The following PFKL variants were observed in gnomAD, a reference collection of about 807,000 sequenced individuals.
PFKL encodes phosphofructokinase, liver type, also known as ATP-dependent 6-phosphofructokinase, liver type.
A neutral mutation model predicts 92.1 loss-of-function variants in PFKL; 74 were observed. The observed-to-expected ratio is 0.80, with a 90% CI of 0.67 to 0.97. The LOEUF (loss-of-function observed/expected upper bound fraction) is 0.97, where lower values mean the gene tolerates loss of function less well. Ranked by LOEUF, PFKL falls within the 50% of genes least tolerant of loss-of-function variation. The pLI is 0.00. For synonymous variants in PFKL, 494 were observed against 456.4 expected, an observed-to-expected ratio of 1.08 and a Z score of -1.05; for missense variants, 1,028 against 1,116.6, an observed-to-expected ratio of 0.92 and a Z score of 1.13.
intron 13 of PFKL, 118 bp downstream of exon 13, chr21:44,321,993 G>C: frequency 6.9e-7 from 1 of 1,442,472 alleles, no homozygotes; most frequent in South Asian, 1.4e-5. Flanking sequence ...CCGCGTGTCG[G>C]TGCCCACCCG....
intron 19 of PFKL, 182 bp from the exon 20 acceptor site, chr21:44,325,779 G>A (rs2146032274): frequency 1.7e-6 from 1 of 593,928 alleles, no homozygotes; most frequent in Non-Finnish European, 3.0e-6. Flanking sequence ...CCTGGACTTG[G>A]AGCTGGAGAG....
At position 44,324,884 on chromosome 21, in the gene PFKL, T is replaced by A; in HGVS notation, c.1844T>A (p.Met615Lys). Residue 615 changes from methionine (M) to lysine (K), a missense_variant, in exon 18 of 22, where the codon ATG becomes AAG. By Grantham distance (95) the Met-to-Lys change is moderately conservative. Coordinates refer to ENST00000349048, the MANE Select transcript of PFKL (RefSeq NM_002626.6). ...AACGTGGAGCACATGACGGAGAAGA[T>A]GAAGACAGACATTCAGAGGGGCCTG... ...KVNVEHMTEK[M>K]KTDIQRGLVL... The A allele has an allele frequency of 4.4e-6, 7 of 1,609,086 alleles. No homozygotes were observed. The highest frequency in any genetic ancestry group is 5.9e-6 in the Non-Finnish European group (7 of 1,178,028).
Position 44,313,811 on chromosome 21 carries a change from G to A in PFKL, c.639-102G>A, listed in dbSNP as rs1439328227. 1.1e-5 allele frequency: 14 copies of A among 1,324,738 alleles called. No homozygotes were observed. In the African/African-American group the frequency reaches 2.0e-4, roughly 19 times the overall value. 82.1% of individuals were successfully genotyped at this position (1,324,738 alleles called of 1,614,324 possible). On this transcript the variant is annotated intron_variant, in intron 6 of 21. Coordinates refer to ENST00000349048, the MANE Select transcript of PFKL (RefSeq NM_002626.6). ...TGAGAGAGCCGGGTGGGGGCCGGGA[G>A]AGACAGAGAAGCTGTGGCCCAGAGT... is the stretch of plus-strand genomic sequence containing the variant.
chr21:44,325,454 G>GGGCT, intron 19 of PFKL, 190 bp downstream of exon 19: 1 of 593,958 alleles, frequency 1.7e-6, no homozygotes, highest in South Asian at 2.0e-5. Flanking sequence ...AGAAGGGGTG[G>GGGCT]GGCTGGGGCT....
In PFKL at chr21:44,316,331, G is replaced by T; in HGVS notation, c.835G>T (p.Val279Leu). The T allele has an allele frequency of 6.2e-7, 1 of 1,613,178 alleles. No homozygotes were observed. The highest frequency in any genetic ancestry group is 1.1e-5 in the South Asian group (1 of 91,086). The change falls in exon 8 of 22, where the codon GTG becomes TTG. Residue 279 changes from valine (V) to leucine (L), a missense_variant. Coordinates refer to ENST00000349048, the MANE Select transcript of PFKL (RefSeq NM_002626.6). Reference sequence around the variant, plus strand: ...CGGGAAGCCCATCTCGTCCAGCTACGTGAAGGACGTGCGTGTGGGCCTGGG... The same window carrying T: ...CGGGAAGCCCATCTCGTCCAGCTACTTGAAGGACGTGCGTGTGGGCCTGGG... ...RNGKPISSSY[V>L]KDLVVQRLGF... is the part of the protein sequence containing the mutation.
At position 44,304,509 on chromosome 21, in the gene PFKL, G is replaced by A. The variant is rs528560809; in HGVS notation, c.86-2172G>A. On this transcript the variant is annotated intron_variant, in intron 1 of 21. Coordinates refer to ENST00000349048, the MANE Select transcript of PFKL (RefSeq NM_002626.6). ...TCTGCAGGGAGGGCGAGGGAGGGAC[G>A]GAGGCTTAGCTTCGGCCAGCTGTGG... is the stretch of plus-strand genomic sequence containing the variant. The A allele has an allele frequency of 3.5e-4, 407 of 1,146,534 alleles. 3 individuals carry two copies. The South Asian group carries it at 6.1e-3, about 17-fold the overall frequency. The allele number at this position is 1,146,534 out of a possible 1,614,324, so 71.0% of individuals were successfully genotyped here.
intron 17 of PFKL, 88 bp downstream of exon 17, chr21:44,324,743 G>A: frequency 1.3e-6 from 2 of 1,566,712 alleles, no homozygotes; most frequent in South Asian, 2.4e-5. Flanking sequence ...GCAGGGCAGG[G>A]CCCGGGCAGG....
At position 44,318,583 on chromosome 21, in the gene PFKL, G is replaced by A; in HGVS notation, c.1050G>A (p.Glu350=). 1.3e-6 allele frequency: 2 copies of A among 1,527,588 alleles called. No individual in the cohort carries two copies. Among genetic ancestry groups the A allele is most frequent in the Non-Finnish European group, 1.8e-6 (2 of 1,127,178 alleles). The allele number at this position is 1,527,588 out of a possible 1,614,324, so 94.6% of individuals were successfully genotyped here. The part of the protein sequence containing the change: ...GNQSVRLPLM[E]CVQMTKEVQK... ...AGTCAGTGCGGCTGCCCCTCATGGA[G>A]TGCGTGCAGATGGTAAGCCCTGGGC... is the stretch of plus-strand genomic sequence containing the variant. The change falls in exon 10 of 22, where the codon GAG becomes GAA. Residue 350 remains glutamate (E), a synonymous_variant. Transcript: ENST00000349048.
Position 44,324,584 on chromosome 21 carries a change from G to A in PFKL, c.1744G>A (p.Val582Met), listed in dbSNP as rs200489956. 1,184 of 1,612,938 alleles carry A rather than the reference G, an allele frequency of 7.3e-4. 13 individuals carry two copies. The South Asian group carries it at 8.7e-3, about 12-fold the overall frequency. Residue 582 changes from valine to methionine, a missense_variant, in exon 17 of 22, where the codon GTG becomes ATG. Transcript: ENST00000349048. ...MGGYCGYLAT[V>M]TGIAVGADAA... Reference sequence around the variant, plus strand: ...GGGTTACTGTGGCTACCTGGCCACCGTGACTGGCATTGCTGTGGGGGCCGA... The same window carrying A: ...GGGTTACTGTGGCTACCTGGCCACCATGACTGGCATTGCTGTGGGGGCCGA...
intron 2 of PFKL, among the ~76,000 whole-genome samples, chr21:44,307,046 C>T (rs920867563): frequency 6.6e-6 from 1 of 152,152 alleles, no homozygotes; most frequent in African/African-American, 2.4e-5. Flanking sequence ...GCCCTGCCTA[C>T]AGTGATCGCT....
Position 44,300,153 on chromosome 21 carries a change from G to T in PFKL, c.48G>T (p.Lys16Asn). The T allele has an allele frequency of 2.5e-6, 3 of 1,190,294 alleles. No individual in the cohort carries two copies. Among genetic ancestry groups the T allele is most frequent in the Admixed American group, 3.3e-5 (1 of 30,034 alleles). The allele number at this position is 1,190,294 out of a possible 1,614,324, so 73.7% of individuals were successfully genotyped here. ...AGCTGCGGGCGTCGGGCGCGGGCAAGGCCATCGGCGTCCTGACCAGCGGCG... is the reference window on the plus strand; with the variant it reads ...AGCTGCGGGCGTCGGGCGCGGGCAATGCCATCGGCGTCCTGACCAGCGGCG... Reference protein sequence around the residue: ...LEKLRASGAGKAIGVLTSGGD... With the variant: ...LEKLRASGAGNAIGVLTSGGD... Residue 16 changes from lysine to asparagine, a missense_variant, in exon 1 of 22, where the codon AAG becomes AAT. Lys to Asn is a moderately conservative substitution (Grantham distance 94). Transcript: ENST00000349048.
chr21:44,326,132 A>G, intron 20 of PFKL, 27 bp from the exon 21 acceptor site: 1 of 1,608,178 alleles, frequency 6.2e-7, no homozygotes, highest in Non-Finnish European at 8.5e-7. Flanking sequence ...CTCACCATGG[A>G]GGGCTGCCAC....
rs1568939680 is a variant in PFKL, at chr21:44,303,442, A to AAAAAAGACTTGATCG, written c.86-3234_86-3233insGACTTGATCGAAAAA. On this transcript the variant is annotated intron_variant, in intron 1 of 21. Coordinates refer to ENST00000349048, the MANE Select transcript of PFKL (RefSeq NM_002626.6). The stretch of plus-strand genomic sequence containing the variant: ...AAAAAACAGACTTGACCAAAAAAAA[A>AAAAAAGACTTGATCG]AAAAAAAAAAAAATGGCCCGGCCTG... Among the ~76,000 whole-genome samples the AAAAAAGACTTGATCG allele has an allele frequency of 4.8e-5, 7 of 144,648 alleles. No individual in the cohort carries two copies. The East Asian group carries it at 5.9e-4, about 12-fold the overall frequency. 94.9% of individuals were successfully genotyped at this position (144,648 alleles called of 152,430 possible).
At position 44,326,275 on chromosome 21, in the gene PFKL, C is replaced by T. The variant is rs778606773; in HGVS notation, c.2195+11C>T. ...AGACACTGATTTCGAGTGAGTTCCACCAAAGCCTCGTGGAGGCGGGTGGGG... is the reference window on the plus strand; with the variant it reads ...AGACACTGATTTCGAGTGAGTTCCATCAAAGCCTCGTGGAGGCGGGTGGGG... On this transcript the variant is annotated intron_variant, in intron 21 of 21. Coordinates refer to ENST00000349048, the MANE Select transcript of PFKL (RefSeq NM_002626.6). 2.5e-6 allele frequency: 4 copies of T among 1,592,688 alleles called. No homozygotes were observed. Among genetic ancestry groups the T allele is most frequent in the Non-Finnish European group, 3.4e-6 (4 of 1,163,642 alleles).
intron 7 of PFKL, chr21:44,315,756 G>C: frequency 4.9e-6 from 1 of 202,300 alleles, no homozygotes; most frequent in Non-Finnish European, 1.0e-5. Flanking sequence ...CAGGGTGTCC[G>C]GGGAGCCCTG....
chr21:44,300,646 C>T lies in PFKL; in HGVS notation c.85+456C>T, dbSNP rs1231639256. Among the ~76,000 whole-genome samples the T allele has an allele frequency of 4.6e-5, 7 of 152,360 alleles. No individual in the cohort carries two copies. In the East Asian group the frequency reaches 1.2e-3, roughly 25 times the overall value. On this transcript the variant is annotated intron_variant, in intron 1 of 21. Coordinates refer to ENST00000349048, the MANE Select transcript of PFKL (RefSeq NM_002626.6). ...CGGCTGGGCGGGGGCGGACTCACTC[C>T]CGGACCGCGCCTCCTCCTCGGGGCC...
At position 44,316,491 on chromosome 21, in the gene PFKL, G is replaced by A. The variant is rs1276807050; in HGVS notation, c.903G>A (p.Arg301=). Reference sequence around the variant, plus strand: ...TAACTGTGCTGGGCCACGTGCAGCGGGGAGGGACGCCCTCTGCCTTCGACC... The same window carrying A: ...TAACTGTGCTGGGCCACGTGCAGCGAGGAGGGACGCCCTCTGCCTTCGACC... ...TRVTVLGHVQ[R]GGTPSAFDRI... The change falls in exon 9 of 22, where the codon CGG becomes CGA. Residue 301 remains arginine, a synonymous_variant. Transcript: ENST00000349048. 1 of 1,606,340 alleles carries A rather than the reference G, an allele frequency of 6.2e-7. No homozygotes were observed. Among genetic ancestry groups the A allele is most frequent in the Non-Finnish European group, 8.5e-7 (1 of 1,175,192 alleles).
intron 21 of PFKL, among the ~76,000 whole-genome samples, chr21:44,326,466 C>T (rs546538656): frequency 5.3e-5 from 8 of 152,296 alleles, no homozygotes; most frequent in South Asian, 2.1e-4. Flanking sequence ...GCAATCCTTT[C>T]GGGTGGGCAT....
intron 7 of PFKL, 31 bp from the exon 8 acceptor site, chr21:44,316,213 G>A: frequency 6.2e-7 from 1 of 1,605,514 alleles, no homozygotes; most frequent in Non-Finnish European, 8.5e-7. Context: ...TCCCTGCCTG[G>A]CAGCTGAGCC....
Sources: gnomAD v4.1 joint callset for allele counts (sites outside exome capture counted in the v4.1 genomes callset) on GRCh38, gnomAD v4.1.1 for gene constraint, MANE v1.5 for transcripts, NCBI Gene and HGNC (gene_info 2026-07-23, HGNC 2026-07-21) for gene names.